The following SPATA13 variants were observed in gnomAD, a reference collection of about 807,000 sequenced individuals.
SPATA13 encodes spermatogenesis-associated protein 13.
In SPATA13, 50 loss-of-function variants were observed where a neutral mutation model predicts 104.0. That is an observed-to-expected ratio of 0.48 (90% CI 0.38 to 0.61). SPATA13 has a LOEUF of 0.61. SPATA13 is among the 20% of genes least tolerant of loss of function. The pLI, the probability that SPATA13 is intolerant of heterozygous loss-of-function variation, is 0.00. For synonymous variants in SPATA13, 606 were observed against 667.5 expected, an observed-to-expected ratio of 0.91 and a Z score of 1.42; for missense variants, 1,524 against 1,690.6, an observed-to-expected ratio of 0.90 and a Z score of 1.73.
At chr13:24,123,142 T>G in intron 3 of SPATA13, 1 of 1,102,232 alleles carries the variant, frequency 9.1e-7, no homozygotes, top group Non-Finnish European at 1.4e-6. Context: ...TCATTTTCTG[T>G]TTCTCTGATA....
chr13:24,054,826 T>C (rs1878482030), intron 3 of SPATA13, among the ~76,000 whole-genome samples: 1 of 152,192 alleles, frequency 6.6e-6, no homozygotes, highest in Admixed American at 6.5e-5. Flanking sequence ...ATGAATTCAG[T>C]CACTTATGAA....
intron 3 of SPATA13, among the ~76,000 whole-genome samples, chr13:24,031,878 C>T (rs1415026830): frequency 6.6e-6 from 1 of 152,230 alleles, no homozygotes; most frequent in African/African-American, 2.4e-5. Context: ...CAAGCTATCA[C>T]ATTAGGTGAG....
intron 1 of SPATA13, among the ~76,000 whole-genome samples, chr13:24,192,934 C>A (rs912992323): frequency 1.3e-5 from 2 of 152,178 alleles, no homozygotes; most frequent in Non-Finnish European, 2.9e-5. Context: ...GAAAAGGATT[C>A]TTTCCTCCCC....
chr13:24,053,045 T>C (rs1878416875), intron 3 of SPATA13, among the ~76,000 whole-genome samples: 1 of 151,344 alleles, frequency 6.6e-6, no homozygotes, highest in Non-Finnish European at 1.5e-5. Flanking sequence ...GGCTGAAAAA[T>C]AGGAATTCTC....
At chr13:24,219,539 C>T (rs1871455588) in intron 1 of SPATA13, among the ~76,000 whole-genome samples, 1 of 152,238 alleles carries the variant, frequency 6.6e-6, no homozygotes, top group African/African-American at 2.4e-5. Context: ...GATACGACTT[C>T]ACATCGAAGT....
intron 1 of SPATA13, among the ~76,000 whole-genome samples, chr13:24,196,345 G>C (rs1336965571): frequency 1.3e-5 from 2 of 152,128 alleles, no homozygotes; most frequent in African/African-American, 2.4e-5. Context: ...TGAATTTACA[G>C]TGTTTTTTAA....
chr13:24,153,741 G>A (rs1014349695), intron 3 of SPATA13, among the ~76,000 whole-genome samples: 1 of 152,188 alleles, frequency 6.6e-6, no homozygotes, highest in African/African-American at 2.4e-5. Flanking sequence ...GAGTCTAAAA[G>A]AGGAGGTCAT....
chr13:24,026,828 G>T (rs916741773), intron 3 of SPATA13, among the ~76,000 whole-genome samples: 11 of 150,780 alleles, frequency 7.3e-5, no homozygotes, highest in African/African-American at 2.7e-4. Context: ...CCGCCCTTGT[G>T]ATCCTGACCT....
intron 3 of SPATA13, among the ~76,000 whole-genome samples, chr13:24,109,089 C>T (rs996997658): frequency 6.6e-6 from 1 of 152,112 alleles, no homozygotes; most frequent in African/African-American, 2.4e-5. Flanking sequence ...AGGTATTTCT[C>T]CTAATGCTAT....
chr13:24,226,782 G>C (rs1373848057), intron 2 of SPATA13, among the ~76,000 whole-genome samples: 1 of 152,194 alleles, frequency 6.6e-6, no homozygotes, highest in Non-Finnish European at 1.5e-5. Context: ...CCTCTGCACT[G>C]TCCATCTTGA....
rs375328785 is a variant in SPATA13, at chr13:24,294,662, G to A, written c.3081-77G>A. 2.0e-5 allele frequency: 30 copies of A among 1,464,658 alleles called. No individual in the cohort carries two copies. The Admixed American group carries it at 2.5e-4, about 12-fold the overall frequency. The allele number at this position is 1,464,658 out of a possible 1,614,324, so 90.7% of individuals were successfully genotyped here. On this transcript the variant is annotated intron_variant, in intron 9 of 12. Coordinates refer to ENST00000382108, the MANE Select transcript of SPATA13 (RefSeq NM_001166271.3). ...CTAGAGCATTCGTATACGAAGAAGC[G>A]CCCCAGTGGATTATTTTGCCAGTCC...
chr13:24,255,224 G>C (rs1273803595), intron 4 of SPATA13, among the ~76,000 whole-genome samples: 1 of 152,170 alleles, frequency 6.6e-6, no homozygotes, highest in East Asian at 1.9e-4. Flanking sequence ...CTGATGGTAG[G>C]AGTTCTCTTT....
intron 4 of SPATA13, chr13:24,270,633 C>T: frequency 1.1e-6 from 1 of 936,626 alleles, no homozygotes; most frequent in Non-Finnish European, 1.5e-6. Flanking sequence ...AAGTCCCCCG[C>T]AATGTCACTG....
chr13:24,197,569 G>T (rs543914634), intron 1 of SPATA13, among the ~76,000 whole-genome samples: 8 of 152,274 alleles, frequency 5.3e-5, no homozygotes, highest in Non-Finnish European at 1.0e-4. Context: ...TTTTCTGAAA[G>T]ATAGAAATAA....
At chr13:24,236,349 T>C (rs1872564217) in intron 2 of SPATA13, among the ~76,000 whole-genome samples, 1 of 151,994 alleles carries the variant, frequency 6.6e-6, no homozygotes, top group East Asian at 1.9e-4. Flanking sequence ...CTAAAGAAGA[T>C]ATGCAGGTGA....
At chr13:24,180,698 G>A (rs1038431012) in intron 1 of SPATA13, among the ~76,000 whole-genome samples, 4 of 152,062 alleles carry the variant, frequency 2.6e-5, no homozygotes, top group Non-Finnish European at 5.9e-5. Flanking sequence ...TACTTCTCCT[G>A]TTAAATTTAG....
intron 3 of SPATA13, among the ~76,000 whole-genome samples, chr13:24,111,702 G>A (rs541206549): frequency 2.0e-5 from 3 of 152,304 alleles, no homozygotes; most frequent in South Asian, 2.1e-4. Context: ...CGCCATGCCC[G>A]GCCTGCGTCC....
chr13:24,268,225 T>C (rs1377808395), intron 4 of SPATA13, among the ~76,000 whole-genome samples: 5 of 152,232 alleles, frequency 3.3e-5, no homozygotes, highest in Admixed American at 6.5e-5. Flanking sequence ...AAAAGGTAGA[T>C]ACAATATACA....
Position 24,184,294 on chromosome 13 carries a change from G to T in SPATA13, c.-112+23362G>T, listed in dbSNP as rs1271286022. ...TGTTTGGTTTTGCCCTGAACCCAAG[G>T]AGCCAGATTACTTTCCTTATTGTAC... On this transcript the variant is annotated intron_variant, in intron 1 of 12. Coordinates refer to ENST00000382108, the MANE Select transcript of SPATA13 (RefSeq NM_001166271.3). Among the ~76,000 whole-genome samples the T allele has an allele frequency of 2.0e-5, 3 of 152,144 alleles. No homozygotes were observed. In the East Asian group the frequency reaches 5.8e-4, roughly 29 times the overall value.
Sources: allele counts gnomAD v4.1 joint callset (sites outside exome capture counted in the v4.1 genomes callset), GRCh38; gene constraint gnomAD v4.1.1; transcripts MANE v1.5; gene names NCBI Gene and HGNC (gene_info 2026-07-23, HGNC 2026-07-21).